The following BPTF variants were observed in gnomAD, a reference collection of about 807,000 sequenced individuals.
The protein encoded by BPTF is nucleosome-remodeling factor subunit BPTF.
A neutral mutation model predicts 292.5 loss-of-function variants in BPTF; 18 were observed. The ratio of observed to expected loss-of-function variants is 0.06; its 90% CI spans 0.04 to 0.09. BPTF has a LOEUF of 0.09. BPTF is among the 10% of genes least tolerant of loss of function. The pLI is 1.00. For missense variants in BPTF, 2,726 were observed against 3,498.7 expected, an observed-to-expected ratio of 0.78 and a Z score of 5.57; for synonymous variants, 1,225 against 1,251.9, an observed-to-expected ratio of 0.98 and a Z score of 0.45.
At chr17:67,982,073 A>G (rs2070481593) in intron 27 of BPTF, 179 bp from the exon 28 acceptor site, 1 of 586,498 alleles carries the variant, frequency 1.7e-6, no homozygotes. Context: ...TGTACAGTGA[A>G]AAGTTTTAAT....
At chr17:67,843,188 A>C (rs1347836055) in intron 1 of BPTF, among the ~76,000 whole-genome samples, 7 of 130,600 alleles carry the variant, frequency 5.4e-5, no homozygotes, top group Admixed American at 1.5e-4. Context: ...AGATATCTAC[A>C]TACATCTACA....
chr17:67,896,145 G>A (rs2061430798), intron 7 of BPTF, among the ~76,000 whole-genome samples: 1 of 152,066 alleles, frequency 6.6e-6, no homozygotes, highest in African/African-American at 2.4e-5. Flanking sequence ...TGTATTTTTA[G>A]TAGAGATGGG....
intron 15 of BPTF, among the ~76,000 whole-genome samples, chr17:67,927,798 T>C (rs1161405923): frequency 6.6e-6 from 1 of 152,152 alleles, no homozygotes; most frequent in Admixed American, 6.6e-5. Context: ...ATATGTGGTA[T>C]AGAGACATGA....
chr17:67,889,956 T>C (rs1598449207), intron 4 of BPTF, among the ~76,000 whole-genome samples: 2 of 152,238 alleles, frequency 1.3e-5, no homozygotes, highest in East Asian at 3.8e-4. Context: ...TTTGACTTAT[T>C]ATTTAAGGAG....
chr17:67,891,432 CAG>C, intron 4 of BPTF: 1 of 153,766 alleles, frequency 6.5e-6, no homozygotes, highest in African/African-American at 2.4e-5. Flanking sequence ...GGTATTTAAA[CAG>C]AATTTCAGTG....
intron 11 of BPTF, among the ~76,000 whole-genome samples, chr17:67,917,050 G>A (rs1475606868): frequency 6.6e-6 from 1 of 150,550 alleles, no homozygotes; most frequent in African/African-American, 2.4e-5. Flanking sequence ...AAAACGTTTA[G>A]TACCTCCACA....
At chr17:67,916,652 G>T (rs546429591) in intron 11 of BPTF, among the ~76,000 whole-genome samples, 2 of 151,774 alleles carry the variant, frequency 1.3e-5, no homozygotes, top group Admixed American at 6.6e-5. Context: ...TGTAATCCCG[G>T]CTACTCGGGA....
Position 67,866,449 on chromosome 17 carries a change from C to A in BPTF, c.1437-15C>A. On this transcript the variant is annotated splice_polypyrimidine_tract_variant and intron_variant, in intron 2 of 27. Coordinates refer to ENST00000306378, the MANE Select transcript of BPTF (RefSeq NM_182641.4). ...ATGTCTAACATATAAAGTATTTCCC[C>A]CCATTTTTAAACAGAGAAGAAGATA... 3 of 1,556,506 alleles carry A rather than the reference C, an allele frequency of 1.9e-6. No individual in the cohort carries two copies. The highest frequency in any genetic ancestry group is 2.7e-6 in the Non-Finnish European group (3 of 1,128,584).
rs534023610 is a variant in BPTF at position 67,979,860 on chromosome 17, G to A, written c.8727-2392G>A. On this transcript the variant is annotated intron_variant, in intron 27 of 27. Transcript: ENST00000306378. ...GTTCAAGACCAGCCTGGCCAACATC[G>A]TGAAACCCCGTCTACACTAAAATAA... Among the ~76,000 whole-genome samples the A allele has an allele frequency of 2.6e-5, 4 of 152,086 alleles. No individual in the cohort carries two copies. The South Asian group carries it at 6.2e-4, about 24-fold the overall frequency.
intron 27 of BPTF, among the ~76,000 whole-genome samples, chr17:67,978,487 C>T (rs1268723612): frequency 4.0e-5 from 6 of 151,360 alleles, no homozygotes; most frequent in Non-Finnish European, 5.9e-5. Flanking sequence ...TTAGTAGAGA[C>T]GGGGTTTCAC....
intron 1 of BPTF, among the ~76,000 whole-genome samples, chr17:67,830,565 T>C (rs1398590794): frequency 1.3e-5 from 2 of 152,082 alleles, no homozygotes; most frequent in African/African-American, 2.4e-5. Flanking sequence ...TTTAAGGGGA[T>C]TGATGTGGGC....
At chr17:67,887,865 G>T (rs999584291) in intron 4 of BPTF, among the ~76,000 whole-genome samples, 1 of 152,160 alleles carries the variant, frequency 6.6e-6, no homozygotes, top group African/African-American at 2.4e-5. Context: ...CCAGCAATTT[G>T]TATTTATATG....
chr17:67,898,891 C>A (rs1195520979), intron 7 of BPTF, among the ~76,000 whole-genome samples: 2 of 132,462 alleles, frequency 1.5e-5, no homozygotes, highest in Non-Finnish European at 3.1e-5. Flanking sequence ...CACTGCACTC[C>A]AGCATGGGCA....
chr17:67,882,041 G>A (rs1217374297), intron 4 of BPTF, among the ~76,000 whole-genome samples: 1 of 151,660 alleles, frequency 6.6e-6, no homozygotes, highest in African/African-American at 2.4e-5. Flanking sequence ...CGCCATGTTG[G>A]CCAGGCTGGT....
intron 4 of BPTF, 64 bp from the exon 5 acceptor site, chr17:67,891,780 A>G (rs8079754): frequency 0.21 from 280,400 of 1,311,754 alleles, 35,547 homozygotes; most frequent in East Asian, 0.68. Flanking sequence ...GTTTTGGTGA[A>G]ATAAGGTGGT....
rs2063843350 is a variant in BPTF at position 67,925,990 on chromosome 17, T to TA, written c.5751+1402dup. Among the ~76,000 whole-genome samples the TA allele has an allele frequency of 2.3e-5, 3 of 132,470 alleles. No homozygotes were observed. The South Asian group carries it at 7.4e-4, about 32-fold the overall frequency. The allele number at this position is 132,470 out of a possible 152,430, so 86.9% of individuals were successfully genotyped here. A position where few individuals can be genotyped will look rare whatever the true frequency, so the allele number is the denominator to read the frequency against. On this transcript the variant is annotated intron_variant, in intron 15 of 27. Transcript: ENST00000306378. The stretch of plus-strand genomic sequence containing the variant: ...ATCTCTGCAATGTAACCTAACATAT[T>TA]ACTTTTTTTTTTTTTTTTTTTTTTT...
At chr17:67,903,412 T>A (rs563501136) in intron 7 of BPTF, among the ~76,000 whole-genome samples, 27 of 152,234 alleles carry the variant, frequency 1.8e-4, no homozygotes, top group Non-Finnish European at 3.5e-4. Context: ...AGGAAAGATC[T>A]TCTAGTGTAA....
chr17:67,828,682 C>G (rs2056353476), intron 1 of BPTF, among the ~76,000 whole-genome samples: 1 of 152,172 alleles, frequency 6.6e-6, no homozygotes, highest in Admixed American at 6.6e-5. Flanking sequence ...GCATGCAGCA[C>G]CACGCCCAGC....
At chr17:67,917,060 A>G (rs933141429) in intron 11 of BPTF, among the ~76,000 whole-genome samples, 2 of 151,746 alleles carry the variant, frequency 1.3e-5, no homozygotes, top group African/African-American at 4.8e-5. Flanking sequence ...GTACCTCCAC[A>G]CACAATGTTT....
Sources: gnomAD v4.1 joint callset for allele counts (sites outside exome capture counted in the v4.1 genomes callset) on GRCh38, gnomAD v4.1.1 for gene constraint, MANE v1.5 for transcripts, NCBI Gene and HGNC (gene_info 2026-07-23, HGNC 2026-07-21) for gene names.